PFDN1: variants seen among roughly 807,000 people sequenced by gnomAD.
PFDN1 encodes the protein prefoldin subunit 1.
In PFDN1, 6 loss-of-function variants were observed where a neutral mutation model predicts 17.3. The observed-to-expected ratio is 0.35, with a 90% CI of 0.19 to 0.69. PFDN1 has a LOEUF of 0.69. Among genes scored for constraint, PFDN1 ranks in the 30% least tolerant of loss-of-function variants. PFDN1 has a pLI of 0.65. For missense variants in PFDN1, 113 were observed against 146.2 expected (o/e 0.77, Z 1.17); for synonymous variants, 58 against 50.1 (o/e 1.16, Z -0.67).
intron 2 of PFDN1, among the ~76,000 whole-genome samples, chr5:140,294,485 T>C (rs534801007): frequency 6.6e-6 from 1 of 152,116 alleles, no homozygotes; most frequent in Admixed American, 6.6e-5. Context: ...CCCTTTCTAT[T>C]AACATTTAAC....
chr5:140,251,995 T>TTTTTC (rs1554071148), intron 3 of PFDN1, among the ~76,000 whole-genome samples: 11 of 150,386 alleles, frequency 7.3e-5, no homozygotes, highest in East Asian at 3.9e-4. Context: ...TTAGTTTTTT[T>TTTTTC]TTTCTTTCTT....
At chr5:140,295,648 G>C (rs932603300) in intron 2 of PFDN1, among the ~76,000 whole-genome samples, 1 of 152,122 alleles carries the variant, frequency 6.6e-6, no homozygotes, top group Non-Finnish European at 1.5e-5. Context: ...CAAAAGACTG[G>C]ATGGAATATA....
At chr5:140,262,418 A>G (rs1465402286) in intron 3 of PFDN1, 1 of 418,638 alleles carries the variant, frequency 2.4e-6, no homozygotes, top group Non-Finnish European at 4.9e-6. Flanking sequence ...GGCTCCATGA[A>G]GAACACGTGA....
intron 3 of PFDN1, among the ~76,000 whole-genome samples, chr5:140,266,963 A>G (rs961354855): frequency 3.9e-5 from 6 of 152,216 alleles, no homozygotes; most frequent in Admixed American, 3.3e-4. Flanking sequence ...GGAATCACAC[A>G]TGCTGCGGTG....
intron 3 of PFDN1, among the ~76,000 whole-genome samples, chr5:140,275,829 G>C (rs1250425712): frequency 6.6e-6 from 1 of 152,178 alleles, no homozygotes; most frequent in South Asian, 2.1e-4. Context: ...AAGCATACTC[G>C]GTGGGCCAAA....
chr5:140,287,080 T>TA (rs1249545800), intron 2 of PFDN1, among the ~76,000 whole-genome samples: 1 of 152,238 alleles, frequency 6.6e-6, no homozygotes, highest in Non-Finnish European at 1.5e-5. Flanking sequence ...AATATATGTA[T>TA]ACAAATAATC....
intron 2 of PFDN1, among the ~76,000 whole-genome samples, chr5:140,284,762 A>T (rs1765459985): frequency 6.6e-6 from 1 of 152,256 alleles, no homozygotes; most frequent in Non-Finnish European, 1.5e-5. Flanking sequence ...TATAACCTGA[A>T]TTCGAGTTGA....
intron 3 of PFDN1, among the ~76,000 whole-genome samples, chr5:140,249,449 A>C (rs940989718): frequency 3.9e-5 from 6 of 152,226 alleles, no homozygotes; most frequent in African/African-American, 1.4e-4. Flanking sequence ...TAAAGTTTTA[A>C]GGGCAGTTAC....
chr5:140,261,390 T>A (rs1765063782), intron 3 of PFDN1, among the ~76,000 whole-genome samples: 1 of 152,186 alleles, frequency 6.6e-6, no homozygotes, highest in Admixed American at 6.5e-5. Context: ...AATGAGTTAA[T>A]AAGGTACTGT....
In PFDN1 at chr5:140,299,882, A is replaced by G. The variant is rs374211545; in HGVS notation, c.200+534T>C. 3.3e-5 allele frequency among the ~76,000 whole-genome samples: 5 copies of G among 151,338 alleles called. No individual in the cohort carries two copies. In the East Asian group the frequency reaches 1.0e-3, roughly 31 times the overall value. The stretch of plus-strand genomic sequence containing the variant: ...CAAAAATTAGCAGGGCGTGGTGGCA[A>G]GCGCCCGTAATCCCAGTCACTCAGG... On this transcript the variant is annotated intron_variant, in intron 2 of 3. Coordinates refer to ENST00000261813, the MANE Select transcript of PFDN1 (RefSeq NM_002622.5).
chr5:140,294,791 A>G lies in PFDN1; in HGVS notation c.200+5625T>C, dbSNP rs60884593. Among the ~76,000 whole-genome samples, 502 of 152,086 alleles carry G rather than the reference A, an allele frequency of 3.3e-3. 4 individuals carry two copies. The highest frequency in any genetic ancestry group is 0.011 in the African/African-American group (464 of 41,526). ...AAGTTTTACACTTCTGGATCTTTCA[A>G]CCGTTAGAGATCAACCATTAAATTA... is the stretch of plus-strand genomic sequence containing the variant. On this transcript the variant is annotated intron_variant, in intron 2 of 3. Coordinates refer to ENST00000261813, the MANE Select transcript of PFDN1 (RefSeq NM_002622.5).
intron 3 of PFDN1, among the ~76,000 whole-genome samples, chr5:140,248,366 C>T (rs1452333193): frequency 1.3e-5 from 2 of 152,084 alleles, no homozygotes; most frequent in Non-Finnish European, 1.5e-5. Context: ...CGTGCCAGGC[C>T]GATAAACAAC....
intron 3 of PFDN1, among the ~76,000 whole-genome samples, chr5:140,248,286 C>G (rs941943893): frequency 1.6e-4 from 24 of 152,180 alleles, no homozygotes; most frequent in Admixed American, 1.5e-3. Flanking sequence ...CCAAGCTGGT[C>G]TCAAACTCCT....
intron 2 of PFDN1, among the ~76,000 whole-genome samples, chr5:140,298,924 T>C (rs1765693737): frequency 6.6e-6 from 1 of 152,110 alleles, no homozygotes; most frequent in East Asian, 1.9e-4. Context: ...CTAATTTTTG[T>C]ATTTTTAGTA....
chr5:140,267,647 C>A (rs1269983585), intron 3 of PFDN1, among the ~76,000 whole-genome samples: 1 of 149,374 alleles, frequency 6.7e-6, no homozygotes, highest in East Asian at 1.9e-4. Context: ...GGCCTTAGAA[C>A]CACCTCCCGC....
chr5:140,283,256 G>A (rs1192578737), intron 2 of PFDN1, among the ~76,000 whole-genome samples: 1 of 151,046 alleles, frequency 6.6e-6, no homozygotes, highest in Non-Finnish European at 1.5e-5. Context: ...TTTTTGAGAC[G>A]GAGTCTCGCT....
At chr5:140,294,929 A>G (rs529057379) in intron 2 of PFDN1, among the ~76,000 whole-genome samples, 1 of 152,018 alleles carries the variant, frequency 6.6e-6, no homozygotes, top group Non-Finnish European at 1.5e-5. Context: ...CTTAAATGTA[A>G]AAAATACCCA....
chr5:140,258,956 GA>G (rs1475119762), intron 3 of PFDN1, among the ~76,000 whole-genome samples: 3 of 152,136 alleles, frequency 2.0e-5, no homozygotes, highest in Non-Finnish European at 4.4e-5. Flanking sequence ...CCTAGGTAAA[GA>G]ACATACAATA....
At chr5:140,288,956 G>GC (rs1299501931) in intron 2 of PFDN1, among the ~76,000 whole-genome samples, 2 of 151,824 alleles carry the variant, frequency 1.3e-5, no homozygotes, top group African/African-American at 4.8e-5. Flanking sequence ...CTGCACTCCA[G>GC]CCTAGGCGAC....
Sources: gnomAD v4.1 joint callset for allele counts (sites outside exome capture counted in the v4.1 genomes callset) on GRCh38, gnomAD v4.1.1 for gene constraint, MANE v1.5 for transcripts, NCBI Gene and HGNC (gene_info 2026-07-23, HGNC 2026-07-21) for gene names.